Variants in PIP5K1B observed in about 807,000 individuals in gnomAD.
The protein encoded by PIP5K1B is phosphatidylinositol-4-phosphate 5-kinase type 1 beta.
PIP5K1B carries 42 observed loss-of-function variants against 67.0 expected under a neutral mutation model. The ratio of observed to expected loss-of-function variants is 0.63; its 90% CI spans 0.49 to 0.81. The LOEUF (loss-of-function observed/expected upper bound fraction) is 0.81. Among genes scored for constraint, PIP5K1B ranks in the 30% least tolerant of loss-of-function variants. PIP5K1B has a pLI of 0.00. For missense variants in PIP5K1B, 459 were observed against 646.3 expected, an observed-to-expected ratio of 0.71 and a Z score of 3.14; for synonymous variants, 214 against 231.4, an observed-to-expected ratio of 0.92 and a Z score of 0.68.
intron 2 of PIP5K1B, among the ~76,000 whole-genome samples, chr9:68,749,435 T>A (rs11143602): frequency 0.28 from 43,302 of 152,058 alleles, 6,531 homozygotes; most frequent in Non-Finnish European, 0.31. Context: ...AGCACCTCAG[T>A]TTCAGCCCAG....
intron 1 of PIP5K1B, among the ~76,000 whole-genome samples, chr9:68,711,805 A>G (rs146964388): frequency 6.6e-6 from 1 of 152,330 alleles, no homozygotes; most frequent in African/African-American, 2.4e-5. Context: ...TTTATTTGAA[A>G]GTATTCAGTA....
rs1403773651 is a variant in PIP5K1B, at chr9:68,934,968, C to T, written c.1280C>T (p.Ser427Leu). The change falls in exon 13 of 16, where the codon TCA becomes TTA. Residue 427 changes from serine (S) to leucine (L), a missense_variant. Ser to Leu is a moderately radical substitution (Grantham distance 145). Coordinates refer to ENST00000265382, the MANE Select transcript of PIP5K1B (RefSeq NM_003558.4). ...LKATSQEIVS[S>L]ISQEWKDEKR... ...GCCACTTCACAGGAGATTGTGTCCT[C>T]AATTAGCCAGGAATGGAAGGATGAG... is the stretch of plus-strand genomic sequence containing the variant. 2.5e-6 allele frequency: 4 copies of T among 1,613,638 alleles called. No individual in the cohort carries two copies. Among genetic ancestry groups the T allele is most frequent in the Middle Eastern group, 1.7e-4 (1 of 6,060 alleles).
intron 5 of PIP5K1B, among the ~76,000 whole-genome samples, chr9:68,866,997 A>G (rs1208244975): frequency 6.6e-6 from 1 of 152,222 alleles, no homozygotes; most frequent in African/African-American, 2.4e-5. Context: ...GGGTCCTAGC[A>G]TGGCTCTGCT....
chr9:68,868,410 A>G (rs962382127), intron 5 of PIP5K1B, among the ~76,000 whole-genome samples: 3 of 152,178 alleles, frequency 2.0e-5, no homozygotes, highest in South Asian at 4.1e-4. Context: ...ATTATCTTTC[A>G]TCTTTATAAG....
At chr9:68,897,897 C>T (rs1207411760) in intron 8 of PIP5K1B, among the ~76,000 whole-genome samples, 1 of 152,132 alleles carries the variant, frequency 6.6e-6, no homozygotes, top group African/African-American at 2.4e-5. Context: ...GCCAGCTTGA[C>T]CTAGCTTATT....
chr9:69,001,388 T>C (rs1050604404), intron 15 of PIP5K1B, among the ~76,000 whole-genome samples: 2 of 149,636 alleles, frequency 1.3e-5, no homozygotes, highest in African/African-American at 4.9e-5. Flanking sequence ...GGGGTCAGAG[T>C]GGATTGTGTT....
At chr9:68,892,333 A>G (rs1285766084) in intron 7 of PIP5K1B, among the ~76,000 whole-genome samples, 1 of 152,236 alleles carries the variant, frequency 6.6e-6, no homozygotes, top group Non-Finnish European at 1.5e-5. Context: ...ATTTTTGAAA[A>G]AGAAGAAAAA....
At chr9:68,829,544 C>T (rs966307663) in intron 4 of PIP5K1B, among the ~76,000 whole-genome samples, 4 of 152,158 alleles carry the variant, frequency 2.6e-5, no homozygotes, top group South Asian at 4.1e-4. Flanking sequence ...AAGGATGCTG[C>T]GTCTTATGAT....
intron 1 of PIP5K1B, among the ~76,000 whole-genome samples, chr9:68,722,458 G>A (rs1019911807): frequency 1.3e-4 from 19 of 151,546 alleles, no homozygotes; most frequent in African/African-American, 3.9e-4. Flanking sequence ...CAAGTGTTCC[G>A]CCCGCCTCGG....
intron 11 of PIP5K1B, among the ~76,000 whole-genome samples, chr9:68,922,566 T>C (rs1409536778): frequency 6.6e-6 from 1 of 152,162 alleles, no homozygotes; most frequent in Non-Finnish European, 1.5e-5. Context: ...GGATACATGA[T>C]TTGGATAAAT....
intron 15 of PIP5K1B, among the ~76,000 whole-genome samples, chr9:69,001,851 A>G (rs949892107): frequency 6.6e-6 from 1 of 152,240 alleles, no homozygotes; most frequent in South Asian, 2.1e-4. Context: ...TGAAAAGTCC[A>G]CTGCAGAACT....
At chr9:68,939,259 G>A (rs1485883406) in intron 13 of PIP5K1B, among the ~76,000 whole-genome samples, 4 of 152,194 alleles carry the variant, frequency 2.6e-5, no homozygotes, top group African/African-American at 9.7e-5. Flanking sequence ...TGTGACCTGA[G>A]ACTGAGTCAC....
chr9:68,816,275 C>A (rs563971390), intron 2 of PIP5K1B, among the ~76,000 whole-genome samples: 1 of 152,178 alleles, frequency 6.6e-6, no homozygotes, highest in East Asian at 1.9e-4. Context: ...ATTACAGGCA[C>A]CTGCCACCCC....
chr9:68,853,505 C>T (rs1477778917), intron 4 of PIP5K1B, among the ~76,000 whole-genome samples: 2 of 152,086 alleles, frequency 1.3e-5, no homozygotes, highest in African/African-American at 4.8e-5. Context: ...CTGTGTGCTC[C>T]CTGGAGCCTG....
chr9:68,954,874 G>C (rs1362951927), intron 14 of PIP5K1B, among the ~76,000 whole-genome samples: 1 of 152,218 alleles, frequency 6.6e-6, no homozygotes, highest in Non-Finnish European at 1.5e-5. Flanking sequence ...CCATGGTCAA[G>C]TGCTGTCCAA....
chr9:68,957,521 C>T lies in PIP5K1B; in HGVS notation c.1502+16731C>T, dbSNP rs1356025392. 2.6e-5 allele frequency among the ~76,000 whole-genome samples: 4 copies of T among 152,198 alleles called. 1 individual carries two copies. Among genetic ancestry groups the T allele is most frequent in the South Asian group, 4.2e-4 (2 of 4,812 alleles). On this transcript the variant is annotated intron_variant, in intron 14 of 15. Transcript: ENST00000265382. ...ATACAAATGCATTTAATGTTTTATACGACAGAGGAGCTTTCAGAAATGAAG... is the reference window on the plus strand; with the variant it reads ...ATACAAATGCATTTAATGTTTTATATGACAGAGGAGCTTTCAGAAATGAAG...
chr9:68,833,914 A>G (rs1461569612), intron 4 of PIP5K1B, among the ~76,000 whole-genome samples: 2 of 152,212 alleles, frequency 1.3e-5, no homozygotes, highest in African/African-American at 4.8e-5. Context: ...GGGTGGCTGG[A>G]CATGGACTTG....
At chr9:68,991,746 C>T (rs1587772856) in intron 15 of PIP5K1B, among the ~76,000 whole-genome samples, 1 of 152,176 alleles carries the variant, frequency 6.6e-6, no homozygotes, top group African/African-American at 2.4e-5. Flanking sequence ...ACCTTTCTGA[C>T]TGCCTAAGGA....
intron 6 of PIP5K1B, among the ~76,000 whole-genome samples, chr9:68,878,621 T>C (rs1314531912): frequency 2.0e-5 from 3 of 152,206 alleles, no homozygotes; most frequent in East Asian, 1.9e-4. Flanking sequence ...GCTTTGCTCA[T>C]AGTTGTAGGG....
Sources: allele counts gnomAD v4.1 joint callset (sites outside exome capture counted in the v4.1 genomes callset), GRCh38; gene constraint gnomAD v4.1.1; transcripts MANE v1.5; gene names NCBI Gene and HGNC (gene_info 2026-07-23, HGNC 2026-07-21).